The following PCSK2 variants were observed in gnomAD, a reference collection of about 807,000 sequenced individuals.
The protein encoded by PCSK2 is proprotein convertase subtilisin/kexin type 2, also known as neuroendocrine convertase 2.
A neutral mutation model predicts 69.7 loss-of-function variants in PCSK2; 14 were observed. The ratio of observed to expected loss-of-function variants is 0.20; its 90% CI spans 0.13 to 0.31. The LOEUF is 0.31. PCSK2 is among the 10% of genes least tolerant of loss of function. The probability of loss-of-function intolerance (pLI) is 1.00; values close to 1 mark genes in which losing one functional copy is unlikely to be tolerated. For missense variants in PCSK2, 544 were observed against 842.5 expected, an observed-to-expected ratio of 0.65 and a Z score of 4.39; for synonymous variants, 307 against 320.7, an observed-to-expected ratio of 0.96 and a Z score of 0.46.
intron 1 of PCSK2, among the ~76,000 whole-genome samples, chr20:17,249,479 A>C (rs891720286): frequency 1.4e-5 from 2 of 144,380 alleles, no homozygotes; most frequent in Admixed American, 7.2e-5. Flanking sequence ...TGCACTCCAG[A>C]CTGGGAGAGA....
intron 8 of PCSK2, among the ~76,000 whole-genome samples, chr20:17,442,552 T>G (rs1568652144): frequency 6.6e-6 from 1 of 152,168 alleles, no homozygotes; most frequent in Non-Finnish European, 1.5e-5. Flanking sequence ...GTTGATCCAA[T>G]TACGACTTTT....
At chr20:17,274,871 G>A (rs1320059269) in intron 2 of PCSK2, among the ~76,000 whole-genome samples, 1 of 151,958 alleles carries the variant, frequency 6.6e-6, no homozygotes, top group African/African-American at 2.4e-5. Flanking sequence ...ACTGAGTCAT[G>A]GCATAAAGCA....
intron 11 of PCSK2, among the ~76,000 whole-genome samples, chr20:17,470,889 T>C (rs909499906): frequency 1.1e-5 from 1 of 94,738 alleles, no homozygotes; most frequent in African/African-American, 4.1e-5. Flanking sequence ...GCAGTGCAAC[T>C]GGCACGATAT....
rs184643791 is a variant in PCSK2, at chr20:17,473,187, G to A, written c.1430+7634G>A. Among the ~76,000 whole-genome samples the A allele has an allele frequency of 6.5e-3, 858 of 131,192 alleles. 7 individuals are homozygous for A. The highest frequency in any genetic ancestry group is 0.021 in the African/African-American group (746 of 35,100). 86.1% of individuals were successfully genotyped at this position (131,192 alleles called of 152,430 possible). A position where few individuals can be genotyped will look rare whatever the true frequency, so the allele number is the denominator to read the frequency against. On this transcript the variant is annotated intron_variant, in intron 11 of 11. Transcript: ENST00000262545. ...CAGCTCACTGCAACCTCCGCCTCCC[G>A]CGTTCAAGCGATTCTCCTGCCTCAG...
At chr20:17,319,824 T>G (rs1301826564) in intron 2 of PCSK2, among the ~76,000 whole-genome samples, 1 of 152,176 alleles carries the variant, frequency 6.6e-6, no homozygotes, top group Non-Finnish European at 1.5e-5. Context: ...TCAGCTATCT[T>G]CAAATCCTTC....
intron 6 of PCSK2, 109 bp from the exon 7 acceptor site, chr20:17,429,326 A>C: frequency 1.3e-6 from 1 of 782,392 alleles, no homozygotes; most frequent in South Asian, 1.6e-5. Context: ...GTTTACTTGT[A>C]TATGATACGC....
At chr20:17,379,919 T>G (rs1179300205) in intron 5 of PCSK2, among the ~76,000 whole-genome samples, 1 of 152,188 alleles carries the variant, frequency 6.6e-6, no homozygotes, top group Non-Finnish European at 1.5e-5. Flanking sequence ...GTGGAGGCTT[T>G]CACCTGTTGG....
At chr20:17,285,168 G>A (rs1988468478) in intron 2 of PCSK2, among the ~76,000 whole-genome samples, 1 of 152,132 alleles carries the variant, frequency 6.6e-6, no homozygotes, top group Non-Finnish European at 1.5e-5. Context: ...AACCCTGTGA[G>A]GATGGCTTCA....
chr20:17,386,361 G>A (rs1181484071), intron 5 of PCSK2, among the ~76,000 whole-genome samples: 1 of 152,188 alleles, frequency 6.6e-6, no homozygotes, highest in African/African-American at 2.4e-5. Context: ...ATCAATCGAT[G>A]AATGGAGAAG....
chr20:17,423,227 A>G (rs1352536534), intron 6 of PCSK2, among the ~76,000 whole-genome samples: 1 of 152,206 alleles, frequency 6.6e-6, no homozygotes, highest in African/African-American at 2.4e-5. Flanking sequence ...ATACATGTGA[A>G]GTAGACATTG....
At chr20:17,328,767 T>C (rs1990134535) in intron 2 of PCSK2, among the ~76,000 whole-genome samples, 1 of 152,206 alleles carries the variant, frequency 6.6e-6, no homozygotes, top group African/African-American at 2.4e-5. Flanking sequence ...CACAGTCAAC[T>C]TGTGGCTGAG....
intron 5 of PCSK2, among the ~76,000 whole-genome samples, chr20:17,391,906 G>GAAGAAGGAAGGAAGGAAGGAAGGA (rs2031384302): frequency 2.0e-5 from 2 of 99,966 alleles, no homozygotes; most frequent in Non-Finnish European, 4.0e-5. Context: ...GAAAGAGAGA[G>GAAGAAGGAAGGAAGGAAGGAAGGA]AGGAAGGAAG....
chr20:17,294,386 G>T (rs1284678084), intron 2 of PCSK2, among the ~76,000 whole-genome samples: 3 of 152,164 alleles, frequency 2.0e-5, no homozygotes, highest in African/African-American at 4.8e-5. Flanking sequence ...GATTACAGGC[G>T]TGAGCCGCCG....
At chr20:17,424,630 T>A in intron 6 of PCSK2, among the ~76,000 whole-genome samples, 1 of 151,302 alleles carries the variant, frequency 6.6e-6, no homozygotes, top group Non-Finnish European at 1.5e-5. Flanking sequence ...GTAGCTGAGA[T>A]TACAGGCACG....
rs994964454 is a variant in PCSK2 at position 17,258,571 on chromosome 20, T to C, written c.178-1669T>C. 2.0e-5 allele frequency among the ~76,000 whole-genome samples: 3 copies of C among 152,162 alleles called. No homozygotes were observed. In the South Asian group the frequency reaches 6.2e-4, roughly 31 times the overall value. On this transcript the variant is annotated intron_variant, in intron 1 of 11. Coordinates refer to ENST00000262545, the MANE Select transcript of PCSK2 (RefSeq NM_002594.5). ...CATGTAATGGAATAATATGCAGCCATTCAAAAGAAGGAAGTAGTCTAGGTG... is the reference window on the plus strand; with the variant it reads ...CATGTAATGGAATAATATGCAGCCACTCAAAAGAAGGAAGTAGTCTAGGTG...
chr20:17,474,981 C>G (rs1468078334), intron 11 of PCSK2, among the ~76,000 whole-genome samples: 1 of 151,934 alleles, frequency 6.6e-6, no homozygotes. Flanking sequence ...CAGATAACAC[C>G]TGTTTTAGGT....
chr20:17,303,529 T>TATTATATA (rs1327135100), intron 2 of PCSK2, among the ~76,000 whole-genome samples: 1 of 41,690 alleles, frequency 2.4e-5, no homozygotes, highest in African/African-American at 8.4e-5. Context: ...ATAATATATA[T>TATTATATA]TATATTATAT....
Position 17,387,602 on chromosome 20 carries a change from G to A in PCSK2, c.543+18325G>A, listed in dbSNP as rs961642773. 3.9e-5 allele frequency among the ~76,000 whole-genome samples: 6 copies of A among 152,292 alleles called. No homozygotes were observed. The East Asian group carries it at 1.2e-3, about 29-fold the overall frequency. ...CACCCAGAGCAAGCAATCTCAGAGAGGGACCAAAATGGAAGCTACAATATC... is the reference window on the plus strand; with the variant it reads ...CACCCAGAGCAAGCAATCTCAGAGAAGGACCAAAATGGAAGCTACAATATC... On this transcript the variant is annotated intron_variant, in intron 5 of 11. Transcript: ENST00000262545.
rs1215350910 is a variant in PCSK2, at chr20:17,437,231, G to T, written c.885+348G>T. On this transcript the variant is annotated intron_variant, in intron 8 of 11. Transcript: ENST00000262545. ...CACTGGCACCCCCACCACCCACTCA[G>T]TCGTTGGCTGGCAGTAGCACACAGG... Among the ~76,000 whole-genome samples the T allele has an allele frequency of 3.3e-5, 5 of 152,232 alleles. No individual in the cohort carries two copies. In the East Asian group the frequency reaches 9.6e-4, roughly 29 times the overall value.
Sources: allele counts gnomAD v4.1 joint callset (sites outside exome capture counted in the v4.1 genomes callset), GRCh38; gene constraint gnomAD v4.1.1; transcripts MANE v1.5; gene names NCBI Gene and HGNC (gene_info 2026-07-23, HGNC 2026-07-21).